The following CNTN2 variants were observed in gnomAD, a reference collection of about 807,000 sequenced individuals.
CNTN2 encodes contactin-2.
A neutral mutation model predicts 117.5 loss-of-function variants in CNTN2; 53 were observed. The observed-to-expected ratio is 0.45, with a 90% confidence interval of 0.36 to 0.57. CNTN2 has a LOEUF of 0.57. Ranked by LOEUF, CNTN2 falls within the 20% of genes least tolerant of loss-of-function variation. CNTN2 has a pLI of 0.00. For missense variants in CNTN2, 1,106 were observed against 1,404.3 expected (o/e 0.79, Z 3.39); for synonymous variants, 530 against 561.7 (o/e 0.94, Z 0.80).
Position 205,074,145 on chromosome 1 carries a change from C to T in CNTN2, c.*380C>T. The T allele has an allele frequency of 2.1e-6, 1 of 487,768 alleles. No individual in the cohort carries two copies. The highest frequency in any genetic ancestry group is 3.4e-5 in the Admixed American group (1 of 29,178). The allele number at this position is 487,768 out of a possible 1,614,324, so 30.2% of individuals were successfully genotyped here. A position where few individuals can be genotyped will look rare whatever the true frequency, so the allele number is the denominator to read the frequency against. On this transcript the variant is annotated 3_prime_UTR_variant, in exon 23 of 23. Transcript: ENST00000331830. ...CGGACTCCGCCACTTGAGAGCAGTCCTAGGCCCGGCAGGAACACCAGACAT... is the reference window on the plus strand; with the variant it reads ...CGGACTCCGCCACTTGAGAGCAGTCTTAGGCCCGGCAGGAACACCAGACAT...
rs772121733 is a variant in CNTN2 at position 205,069,547 on chromosome 1, A to G, written c.2182A>G (p.Ile728Val). 6 of 1,613,644 alleles carry G rather than the reference A, an allele frequency of 3.7e-6. No homozygotes were observed. Among genetic ancestry groups the G allele is most frequent in the Non-Finnish European group, 5.1e-6 (6 of 1,180,000 alleles). Reference protein sequence around the residue: ...SGGGGAPGELIVNWTPMSREY... With the variant: ...SGGGGAPGELVVNWTPMSREY... ...AGGAGGTGGAGCCCCCGGAGAGCTCATCGTCAACTGGACGGTAAGCTGCAA... is the reference window on the plus strand; with the variant it reads ...AGGAGGTGGAGCCCCCGGAGAGCTCGTCGTCAACTGGACGGTAAGCTGCAA... Residue 728 changes from isoleucine to valine, a missense_variant, in exon 17 of 23, where the codon ATC becomes GTC. Coordinates refer to ENST00000331830, the MANE Select transcript of CNTN2 (RefSeq NM_005076.5).
chr1:205,048,687 G>T lies in CNTN2; in HGVS notation c.-86-4413G>T, dbSNP rs1184029975. On this transcript the variant is annotated intron_variant, in intron 1 of 22. Coordinates refer to ENST00000331830, the MANE Select transcript of CNTN2 (RefSeq NM_005076.5). The surrounding 1 kb of genome is among the most constrained non-coding windows in gnomAD (Gnocchi z 4.1). ...CGCATAATAGGGCAGATGGTATGGGGAGATGACTGATCGGTGAACTCATGA... is the reference window on the plus strand; with the variant it reads ...CGCATAATAGGGCAGATGGTATGGGTAGATGACTGATCGGTGAACTCATGA... Among the ~76,000 whole-genome samples, 1 of 152,200 alleles carries T rather than the reference G, an allele frequency of 6.6e-6. No individual in the cohort carries two copies. The highest frequency in any genetic ancestry group is 1.5e-5 in the Non-Finnish European group (1 of 68,030).
At position 205,046,436 on chromosome 1, in the gene CNTN2, T is replaced by C. The variant is rs538585857; in HGVS notation, c.-87+3042T>C. On this transcript the variant is annotated intron_variant, in intron 1 of 22. Transcript: ENST00000331830. ...CCTAAGCCCACATCTTCTCAGTGCC[T>C]GCCACCCTGAACACCCTGACCAAGG... is the stretch of plus-strand genomic sequence containing the variant. 2.6e-5 allele frequency among the ~76,000 whole-genome samples: 4 copies of C among 152,306 alleles called. No homozygotes were observed. The East Asian group carries it at 5.8e-4, about 22-fold the overall frequency.
Position 205,064,395 on chromosome 1 carries a change from C to T in CNTN2, c.1314C>T (p.Ile438=). 6.2e-7 allele frequency: 1 copy of T among 1,612,510 alleles called. No individual in the cohort carries two copies. Among genetic ancestry groups the T allele is most frequent in the South Asian group, 1.1e-5 (1 of 91,032 alleles). The change falls in exon 11 of 23, where the codon ATC becomes ATT. Residue 438 remains isoleucine, a synonymous_variant. Coordinates refer to ENST00000331830, the MANE Select transcript of CNTN2 (RefSeq NM_005076.5). ...CGGCCCGCGGGGGAGAGATCCTTATCCCCTGCCAGCCCCGGGCAGCTCCAA... is the reference window on the plus strand; with the variant it reads ...CGGCCCGCGGGGGAGAGATCCTTATTCCCTGCCAGCCCCGGGCAGCTCCAA... ...IPAARGGEIL[I]PCQPRAAPKA... is the part of the protein sequence containing the mutation.
chr1:205,069,292 C>A (rs1253613906), intron 16 of CNTN2, 199 bp from the exon 17 acceptor site: 2 of 562,134 alleles, frequency 3.6e-6, no homozygotes, highest in Non-Finnish European at 6.3e-6. Context: ...GGAAGCACAG[C>A]TAGTAAATGG....
At chr1:205,069,647 C>G (rs907500349) in intron 17 of CNTN2, 86 bp downstream of exon 17, 2 of 1,487,790 alleles carry the variant, frequency 1.3e-6, no homozygotes, top group Non-Finnish European at 1.8e-6. Flanking sequence ...CTGCACAGCT[C>G]TGACTCAAAC....
intron 19 of CNTN2, among the ~76,000 whole-genome samples, chr1:205,071,358 A>G (rs1654585888): frequency 1.3e-5 from 2 of 152,194 alleles, no homozygotes; most frequent in South Asian, 4.1e-4. Flanking sequence ...AGGAAAAGCA[A>G]GAAGAAACCA....
chr1:205,053,288 C>A, intron 2 of CNTN2, 33 bp downstream of exon 2: 2 of 1,573,818 alleles, frequency 1.3e-6, no homozygotes, highest in Non-Finnish European at 1.7e-6. Flanking sequence ...TGAAGCCTAG[C>A]AGGCATGATT....
In CNTN2 at chr1:205,058,641, T is replaced by C. The variant is rs1375599427; in HGVS notation, c.465T>C (p.Cys155=). ...AAGGCTGGGGGGTGATGTTGCCCTG[T>C]AACCCACCTGCCCACTACCCAGGTG... is the stretch of plus-strand genomic sequence containing the variant. The part of the protein sequence containing the change: ...AHEGWGVMLP[C]NPPAHYPGLS... The change falls in exon 5 of 23, where the codon TGT becomes TGC. Residue 155 remains cysteine, a synonymous_variant. Coordinates refer to ENST00000331830, the MANE Select transcript of CNTN2 (RefSeq NM_005076.5). The surrounding 1 kb of genome is among the most constrained non-coding windows in gnomAD (Gnocchi z 4.3). The C allele has an allele frequency of 6.2e-7, 1 of 1,613,938 alleles. No individual in the cohort carries two copies. The highest frequency in any genetic ancestry group is 1.1e-5 in the South Asian group (1 of 91,042).
intron 2 of CNTN2, among the ~76,000 whole-genome samples, chr1:205,055,421 G>C (rs1329879832): frequency 6.6e-6 from 1 of 152,194 alleles, no homozygotes; most frequent in Non-Finnish European, 1.5e-5. Flanking sequence ...GGATGGCTGA[G>C]AGGCTGGAGG....
At chr1:205,072,968 C>A in intron 21 of CNTN2, 100 bp from the exon 22 acceptor site, 1 of 1,330,360 alleles carries the variant, frequency 7.5e-7, no homozygotes, top group Non-Finnish European at 1.0e-6. Flanking sequence ...ACCTCAAGAG[C>A]CCAGAACCAT....
intron 2 of CNTN2, among the ~76,000 whole-genome samples, chr1:205,055,163 G>A (rs972945574): frequency 3.9e-5 from 6 of 151,978 alleles, no homozygotes; most frequent in Admixed American, 2.6e-4. Context: ...ACAGACACTC[G>A]CCACCACGCT....
At chr1:205,062,374 G>A (rs2151192700) in intron 9 of CNTN2, 66 bp from the exon 10 acceptor site, 2 of 1,549,288 alleles carry the variant, frequency 1.3e-6, no homozygotes. Flanking sequence ...TCCCACCCCT[G>A]CCAACCCCTC....
chr1:205,065,329 C>T lies in CNTN2; in HGVS notation c.1695+67C>T, dbSNP rs1472742954. The T allele has an allele frequency of 2.0e-6, 3 of 1,537,940 alleles. No homozygotes were observed. Among genetic ancestry groups the T allele is most frequent in the African/African-American group, 2.8e-5 (2 of 72,668 alleles). On this transcript the variant is annotated intron_variant, in intron 13 of 22. Coordinates refer to ENST00000331830, the MANE Select transcript of CNTN2 (RefSeq NM_005076.5). The surrounding 1 kb of genome is among the most constrained non-coding windows in gnomAD (Gnocchi z 4.1). ...TAGAGAGACAGGGGCCCCAAGATGT[C>T]CTTAGCCATCCTCACCTTTAAGAAA...
chr1:205,063,389 A>C (rs2151193375), intron 10 of CNTN2: 1 of 152,332 alleles, frequency 6.6e-6, no homozygotes, highest in East Asian at 1.9e-4. Context: ...GCACTTTGGG[A>C]GGCAGGGGTG....
chr1:205,054,420 C>A (rs2096457802), intron 2 of CNTN2, among the ~76,000 whole-genome samples: 1 of 152,198 alleles, frequency 6.6e-6, no homozygotes, highest in African/African-American at 2.4e-5. Context: ...GCCCCCCAGG[C>A]CTCGCTACCT....
rs978409258 is a variant in CNTN2, at chr1:205,075,523, G to A, written c.*1758G>A. 2.0e-5 allele frequency: 3 copies of A among 152,558 alleles called. No homozygotes were observed. The highest frequency in any genetic ancestry group is 4.4e-5 in the Non-Finnish European group (3 of 68,004). 9.5% of individuals were successfully genotyped at this position (152,558 alleles called of 1,614,324 possible). On this transcript the variant is annotated 3_prime_UTR_variant, in exon 23 of 23. Coordinates refer to ENST00000331830, the MANE Select transcript of CNTN2 (RefSeq NM_005076.5). Reference sequence around the variant, plus strand: ...ATATGTCCTCGGAAGCTCCGAGCCTGTTTTCTGTAGTTTATAGTTAGAGCT... The same window carrying A: ...ATATGTCCTCGGAAGCTCCGAGCCTATTTTCTGTAGTTTATAGTTAGAGCT...
Position 205,074,887 on chromosome 1 carries a change from C to G in CNTN2, c.*1122C>G, listed in dbSNP as rs2151202049. On this transcript the variant is annotated 3_prime_UTR_variant, in exon 23 of 23. Coordinates refer to ENST00000331830, the MANE Select transcript of CNTN2 (RefSeq NM_005076.5). ...CTAGGACCACCTGGCCAGATCCGCT[C>G]CCAGACGGCCTTGGACTGCTTGCAT... 1 of 398,654 alleles carries G rather than the reference C, an allele frequency of 2.5e-6. No individual in the cohort carries two copies. Among genetic ancestry groups the G allele is most frequent in the South Asian group, 1.3e-4 (1 of 7,846 alleles). The allele number at this position is 398,654 out of a possible 1,614,324, so 24.7% of individuals were successfully genotyped here. A position where few individuals can be genotyped will look rare whatever the true frequency, so the allele number is the denominator to read the frequency against.
rs754608492 is a variant in CNTN2 at position 205,059,052 on chromosome 1, C to T, written c.488-32C>T. 16 of 1,606,202 alleles carry T rather than the reference C, an allele frequency of 1.0e-5. No individual in the cohort carries two copies. The Admixed American group carries it at 2.7e-4, about 27-fold the overall frequency. On this transcript the variant is annotated intron_variant, in intron 5 of 22. Transcript: ENST00000331830. The surrounding 1 kb of genome is among the most constrained non-coding windows in gnomAD (Gnocchi z 5.6). ...CAGAGTGGCCCTGTTAGCCCAGCAC[C>T]CCCTGGTTTCCTCAAACTCCTCACA... is the stretch of plus-strand genomic sequence containing the variant.
Sources: gnomAD v4.1 joint callset for allele counts (sites outside exome capture counted in the v4.1 genomes callset) on GRCh38, gnomAD v4.1.1 for gene constraint, Gnocchi (gnomAD v3.1) non-coding constraint, MANE v1.5 for transcripts, NCBI Gene and HGNC (gene_info 2026-07-23, HGNC 2026-07-21) for gene names.